NRXN1: variants seen among roughly 807,000 people sequenced by gnomAD.
NRXN1 encodes neurexin-1.
Under a neutral mutation model 150.9 loss-of-function variants are expected in NRXN1, and 39 were observed. The observed-to-expected ratio is 0.26, with a 90% confidence interval of 0.20 to 0.34. NRXN1 has a LOEUF of 0.34. Ranked by LOEUF, NRXN1 falls within the 10% of genes least tolerant of loss-of-function variation. The pLI is 1.00. For missense variants in NRXN1, 1,815 were observed against 1,949.9 expected, an observed-to-expected ratio of 0.93 and a Z score of 1.30; for synonymous variants, 924 against 757.0, an observed-to-expected ratio of 1.22 and a Z score of -3.62.
chr2:50,969,542 G>T (rs898593823), intron 2 of NRXN1, among the ~76,000 whole-genome samples: 1 of 152,090 alleles, frequency 6.6e-6, no homozygotes, highest in South Asian at 2.1e-4. Flanking sequence ...ACTGGAAATA[G>T]AAAGTATAAA....
At chr2:50,427,728 C>A (rs1025451033) in intron 17 of NRXN1, among the ~76,000 whole-genome samples, 1 of 152,212 alleles carries the variant, frequency 6.6e-6, no homozygotes, top group Non-Finnish European at 1.5e-5. Context: ...TTGCTTCAGT[C>A]AGTAATTGAA....
intron 17 of NRXN1, among the ~76,000 whole-genome samples, chr2:50,341,068 G>A (rs1289982724): frequency 6.6e-6 from 1 of 152,122 alleles, no homozygotes; most frequent in Non-Finnish European, 1.5e-5. Flanking sequence ...CCCTTCTATT[G>A]GAGTACAGGC....
chr2:50,344,480 C>T (rs1409551605), intron 17 of NRXN1, among the ~76,000 whole-genome samples: 1 of 152,066 alleles, frequency 6.6e-6, no homozygotes, highest in East Asian at 1.9e-4. Context: ...CAAACACGAC[C>T]ATACAACAGA....
intron 3 of NRXN1, 119 bp from the exon 4 acceptor site, chr2:50,922,806 T>C (rs1384750068): frequency 1.6e-5 from 16 of 1,000,884 alleles, no homozygotes; most frequent in Non-Finnish European, 2.0e-5. Context: ...CATGTCTGTA[T>C]CACAGAGGCA....
In NRXN1 at chr2:50,457,725, A is replaced by G. The variant is rs117698425; in HGVS notation, c.3364+7717T>C. Among the ~76,000 whole-genome samples, 32 of 152,248 alleles carry G rather than the reference A, an allele frequency of 2.1e-4. No individual in the cohort carries two copies. In the East Asian group the frequency reaches 6.2e-3, roughly 29 times the overall value. ...TATAAAAAAAATGCTTGATATCACT[A>G]ATCATCAGAGAAATGCAAAAATCAC... On this transcript the variant is annotated intron_variant, in intron 17 of 22. Coordinates refer to ENST00000401669, the MANE Select transcript of NRXN1 (RefSeq NM_001330078.2).
intron 5 of NRXN1, among the ~76,000 whole-genome samples, chr2:50,779,056 G>A (rs1335618440): frequency 6.6e-6 from 1 of 151,714 alleles, no homozygotes; most frequent in Non-Finnish European, 1.5e-5. Context: ...TTAAGTTCTG[G>A]GATACATGTG....
intron 5 of NRXN1, among the ~76,000 whole-genome samples, chr2:50,642,004 A>G (rs1684151370): frequency 1.3e-5 from 2 of 152,160 alleles, no homozygotes; most frequent in South Asian, 4.1e-4. Flanking sequence ...ACATATGCAT[A>G]TAGATATATG....
chr2:50,223,718 T>C (rs755022484), intron 18 of NRXN1, among the ~76,000 whole-genome samples: 1 of 152,022 alleles, frequency 6.6e-6, no homozygotes, highest in African/African-American at 2.4e-5. Context: ...CTACAAGCAA[T>C]AGACAAATTC....
chr2:50,328,079 G>C (rs924546534), intron 17 of NRXN1, among the ~76,000 whole-genome samples: 13 of 152,228 alleles, frequency 8.5e-5, no homozygotes, highest in African/African-American at 2.9e-4. Flanking sequence ...ATACAACAGA[G>C]AGCATCTTGA....
intron 17 of NRXN1, among the ~76,000 whole-genome samples, chr2:50,265,995 ATTATTTAT>A (rs200358718): frequency 0.065 from 5,012 of 76,686 alleles, 116 homozygotes; most frequent in Middle Eastern, 0.1. Flanking sequence ...TATTATTATT[ATTATTTAT>A]TTTTTTTTTT....
intron 5 of NRXN1, among the ~76,000 whole-genome samples, chr2:50,869,420 A>G (rs773303815): frequency 2.0e-5 from 3 of 151,692 alleles, no homozygotes; most frequent in Non-Finnish European, 4.4e-5. Flanking sequence ...AAAATGACAC[A>G]GTTAAGGTAT....
chr2:50,966,746 AATGGG>A (rs1483126424), intron 2 of NRXN1, among the ~76,000 whole-genome samples: 1 of 151,876 alleles, frequency 6.6e-6, no homozygotes, highest in Non-Finnish European at 1.5e-5. Flanking sequence ...GGGAGAAATG[AATGGG>A]TAGTAATGGA....
At chr2:50,668,601 CT>C (rs1688401692) in intron 5 of NRXN1, among the ~76,000 whole-genome samples, 1 of 151,996 alleles carries the variant, frequency 6.6e-6, no homozygotes, top group Non-Finnish European at 1.5e-5. Context: ...AATATTTCTT[CT>C]CTTGGAGTAG....
intron 5 of NRXN1, among the ~76,000 whole-genome samples, chr2:50,721,635 G>A (rs1337679734): frequency 2.0e-5 from 3 of 152,062 alleles, no homozygotes; most frequent in Admixed American, 1.3e-4. Context: ...TAAGTGTCAA[G>A]GGGTTTTAAG....
chr2:50,566,409 ATTTTTTTT>A (rs35437819), intron 8 of NRXN1, among the ~76,000 whole-genome samples: 1 of 130,080 alleles, frequency 7.7e-6, no homozygotes, highest in African/African-American at 2.9e-5. Context: ...ACGCCCAGCT[ATTTTTTTT>A]TTTTTTTTTG....
At chr2:50,770,844 G>A (rs949201813) in intron 5 of NRXN1, among the ~76,000 whole-genome samples, 4 of 151,980 alleles carry the variant, frequency 2.6e-5, no homozygotes, top group Non-Finnish European at 2.9e-5. Context: ...TGGGAAGCAA[G>A]CCATTTTCAC....
At chr2:50,025,497 G>T (rs1437813199) in intron 21 of NRXN1, among the ~76,000 whole-genome samples, 1 of 152,176 alleles carries the variant, frequency 6.6e-6, no homozygotes, top group African/African-American at 2.4e-5. Context: ...AGCTGCTATA[G>T]GTCATGGAAG....
intron 22 of NRXN1, among the ~76,000 whole-genome samples, chr2:49,924,552 A>G (rs1668761111): frequency 6.6e-6 from 1 of 152,330 alleles, no homozygotes; most frequent in South Asian, 2.1e-4. Context: ...TAAAATAAGA[A>G]TGAGGTCACA....
intron 3 of NRXN1, among the ~76,000 whole-genome samples, chr2:50,923,141 G>T (rs2104297724): frequency 6.6e-6 from 1 of 151,782 alleles, no homozygotes; most frequent in Non-Finnish European, 1.5e-5. Flanking sequence ...CAAAAAATGA[G>T]CATTTTATAA....
Sources: allele counts gnomAD v4.1 joint callset (sites outside exome capture counted in the v4.1 genomes callset), GRCh38; gene constraint gnomAD v4.1.1; transcripts MANE v1.5; gene names NCBI Gene and HGNC (gene_info 2026-07-23, HGNC 2026-07-21).